MFAP5: variants seen among roughly 807,000 people sequenced by gnomAD.
MFAP5 encodes the protein microfibrillar-associated protein 5.
MFAP5 carries 19 observed loss-of-function variants against 30.1 expected under a neutral mutation model. The observed-to-expected ratio is 0.63, with a 90% CI of 0.44 to 0.93. MFAP5 has a LOEUF of 0.93. MFAP5 is among the 40% of genes least tolerant of loss of function. MFAP5 has a pLI of 0.00. For missense variants in MFAP5, 210 were observed against 221.3 expected, an observed-to-expected ratio of 0.95 and a Z score of 0.32; for synonymous variants, 92 against 72.9, an observed-to-expected ratio of 1.26 and a Z score of -1.33.
intron 3 of MFAP5, among the ~76,000 whole-genome samples, chr12:8,657,569 T>C (rs1193882522): frequency 8.0e-6 from 1 of 124,752 alleles, no homozygotes; most frequent in Non-Finnish European, 1.8e-5. Flanking sequence ...GCTTTGACTT[T>C]TTTTTTTTTT....
At position 8,661,995 on chromosome 12, in the gene MFAP5, C is replaced by T. The variant is rs867189114; in HGVS notation, c.58+52G>A. On this transcript the variant is annotated intron_variant, in intron 2 of 9. Transcript: ENST00000359478. ...ATTCCATCCCATCTCCTGCCACACA[C>T]GTGTATAGCTGAGGAGCTGAGGGTT... 35 of 1,534,606 alleles carry T rather than the reference C, an allele frequency of 2.3e-5. No homozygotes were observed. In the Middle Eastern group the frequency reaches 2.9e-3, roughly 127 times the overall value.
At chr12:8,653,445 C>T (rs182453702) in intron 6 of MFAP5, among the ~76,000 whole-genome samples, 280 of 152,194 alleles carry the variant, frequency 1.8e-3, no homozygotes, top group Non-Finnish European at 1.1e-3. Context: ...TTCCAATGCA[C>T]AAATCTAATT....
At chr12:8,661,994 A>G (rs1942164137) in intron 2 of MFAP5, 53 bp downstream of exon 2, 1 of 1,530,472 alleles carries the variant, frequency 6.5e-7, no homozygotes, top group Non-Finnish European at 9.0e-7. Context: ...CCTGCCACAC[A>G]CGTGTATAGC....
intron 3 of MFAP5, among the ~76,000 whole-genome samples, chr12:8,656,796 TA>T: frequency 6.6e-6 from 1 of 151,150 alleles, no homozygotes; most frequent in Admixed American, 6.6e-5. Flanking sequence ...GCCTCCAGAG[TA>T]GCTGGGATTA....
chr12:8,650,572 A>G lies in MFAP5; in HGVS notation c.265T>C (p.Phe89Leu). 1 of 1,614,050 alleles carries G rather than the reference A, an allele frequency of 6.2e-7. No individual in the cohort carries two copies. Among genetic ancestry groups the G allele is most frequent in the Non-Finnish European group, 8.5e-7 (1 of 1,180,010 alleles). Residue 89 changes from phenylalanine to leucine, a missense_variant, in exon 8 of 10, where the codon TTT (phenylalanine) becomes CTT (leucine). By Grantham distance (22) the Phe-to-Leu change is conservative (BLOSUM62 0). Coordinates refer to ENST00000359478, the MANE Select transcript of MFAP5 (RefSeq NM_003480.4). ...NTTAECWDEK[F>L]TCTRLYSVHR... Reference sequence around the variant, plus strand: ...ACAGAGTAGAGCCTTGTGCAGGTAAATTTCTCATCCCAGCACTCTGAGGAA... The same window carrying G: ...ACAGAGTAGAGCCTTGTGCAGGTAAGTTTCTCATCCCAGCACTCTGAGGAA...
At chr12:8,655,589 G>A (rs759387558) in intron 4 of MFAP5, 142 bp from the exon 5 acceptor site, 1 of 1,017,344 alleles carries the variant, frequency 9.8e-7, no homozygotes, top group Non-Finnish European at 1.4e-6. Flanking sequence ...AGGGACTATC[G>A]CAGAAAGAAA....
chr12:8,661,239 A>T (rs138074726), intron 2 of MFAP5, among the ~76,000 whole-genome samples: 20 of 152,256 alleles, frequency 1.3e-4, no homozygotes, highest in Non-Finnish European at 2.5e-4. Flanking sequence ...CAGCCCTTCT[A>T]GCCCCACGGC....
At chr12:8,654,246 A>G in intron 6 of MFAP5, 191 bp downstream of exon 6, 1 of 540,226 alleles carries the variant, frequency 1.9e-6, no homozygotes, top group Non-Finnish European at 3.3e-6. Context: ...TGAGAGAAAG[A>G]TTAGCACAGT....
chr12:8,660,807 A>G (rs1942126126), intron 3 of MFAP5, 56 bp downstream of exon 3: 1 of 1,469,122 alleles, frequency 6.8e-7, no homozygotes, highest in Non-Finnish European at 9.3e-7. Flanking sequence ...AACTCTGTTC[A>G]TCTAAATTTT....
intron 9 of MFAP5, chr12:8,648,692 G>C (rs1346115599): frequency 5.6e-6 from 2 of 354,596 alleles, no homozygotes; most frequent in Non-Finnish European, 1.0e-5. Context: ...CAATCTCAAG[G>C]TGCTTCCCTT....
At chr12:8,655,758 C>CAAAA (rs752720635) in intron 4 of MFAP5, 28 bp downstream of exon 4, 1 of 1,602,200 alleles carries the variant, frequency 6.2e-7, no homozygotes, top group South Asian at 1.1e-5. Context: ...AAACAGCAAA[C>CAAAA]AAACAAACAA....
In MFAP5 at chr12:8,646,329, A is replaced by G. The variant is rs1043718598; in HGVS notation, c.*1762T>C. 6.6e-6 allele frequency: 1 copy of G among 152,198 alleles called. No individual in the cohort carries two copies. Among genetic ancestry groups the G allele is most frequent in the Non-Finnish European group, 1.5e-5 (1 of 68,034 alleles). The allele number at this position is 152,198 out of a possible 1,614,324, so 9.4% of individuals were successfully genotyped here. A position where few individuals can be genotyped will look rare whatever the true frequency, so the allele number is the denominator to read the frequency against. On this transcript the variant is annotated 3_prime_UTR_variant, in exon 10 of 10. Transcript: ENST00000359478. ...TCATTTAACTAGTTTTCTCAGCAAT[A>G]TAAAAGGAATACAACCTCCACTGTC...
intron 2 of MFAP5, among the ~76,000 whole-genome samples, chr12:8,661,279 C>G (rs1942143390): frequency 2.0e-5 from 3 of 151,990 alleles, no homozygotes; most frequent in Admixed American, 2.0e-4. Flanking sequence ...GTGAACAAGA[C>G]AGAAGAATTA....
In MFAP5 at chr12:8,654,632, A is replaced by C. The variant is rs779975624; in HGVS notation, c.173-151T>G. 4 of 653,684 alleles carry C rather than the reference A, an allele frequency of 6.1e-6. No homozygotes were observed. The South Asian group carries it at 1.2e-4, about 19-fold the overall frequency. The allele number at this position is 653,684 out of a possible 1,614,324, so 40.5% of individuals were successfully genotyped here. A position where few individuals can be genotyped will look rare whatever the true frequency, so the allele number is the denominator to read the frequency against. ...ATAAGGGAATAGAATTAATTAAATA[A>C]TTATAAATTTTTTTAAAGAATATTA... On this transcript the variant is annotated intron_variant, in intron 5 of 9. Coordinates refer to ENST00000359478, the MANE Select transcript of MFAP5 (RefSeq NM_003480.4).
intron 6 of MFAP5, 188 bp from the exon 7 acceptor site, chr12:8,651,879 T>G: frequency 1.7e-6 from 1 of 576,080 alleles, no homozygotes; most frequent in Admixed American, 3.1e-5. Flanking sequence ...TTGAAGACAT[T>G]AGGAGGCAGG....
intron 8 of MFAP5, 35 bp from the exon 9 acceptor site, chr12:8,649,609 G>A (rs1427027975): frequency 1.9e-6 from 3 of 1,591,918 alleles, no homozygotes; most frequent in East Asian, 4.5e-5. Flanking sequence ...CAAGGAAGGA[G>A]ATGGAAGAAA....
chr12:8,656,573 A>AATATATATATATATATATAT lies in MFAP5; in HGVS notation c.95-744_95-743insATATATATATATATATATAT, dbSNP rs71957081. Among the ~76,000 whole-genome samples, 61 of 128,472 alleles carry AATATATATATATATATATAT rather than the reference A, an allele frequency of 4.7e-4. 1 individual carries two copies. Among genetic ancestry groups the AATATATATATATATATATAT allele is most frequent in the African/African-American group, 1.9e-3 (57 of 30,202 alleles). The allele number at this position is 128,472 out of a possible 152,430, so 84.3% of individuals were successfully genotyped here. On this transcript the variant is annotated intron_variant, in intron 3 of 9. Transcript: ENST00000359478. ...CAGGCGCATACCACCATGCCTGGCT[A>AATATATATATATATATATAT]ATATATATATATATATATACACACA...
Position 8,655,443 on chromosome 12 carries a change from C to A in MFAP5, c.144G>T (p.Leu48=). The A allele has an allele frequency of 6.2e-7, 1 of 1,606,340 alleles. No individual in the cohort carries two copies. Among genetic ancestry groups the A allele is most frequent in the Non-Finnish European group, 8.5e-7 (1 of 1,177,072 alleles). The part of the protein sequence containing the change: ...TPETFTEDPN[L]VNDPATDETV... Reference sequence around the variant, plus strand: ...TTTCATCTGTAGCGGGATCATTCACCAGATCTGCAAAGACACATAACAAGG... The same window carrying A: ...TTTCATCTGTAGCGGGATCATTCACAAGATCTGCAAAGACACATAACAAGG... Residue 48 remains leucine, a synonymous_variant, in exon 5 of 10, where the codon CTG becomes CTT. Transcript: ENST00000359478.
At chr12:8,654,374 A>C in intron 6 of MFAP5, 63 bp downstream of exon 6, 2 of 1,486,404 alleles carry the variant, frequency 1.3e-6, no homozygotes, top group Non-Finnish European at 1.8e-6. Context: ...CACTATCCAG[A>C]ATGGGCTCTG....
Sources: gnomAD v4.1 joint callset for allele counts (sites outside exome capture counted in the v4.1 genomes callset) on GRCh38, gnomAD v4.1.1 for gene constraint, MANE v1.5 for transcripts, NCBI Gene and HGNC (gene_info 2026-07-23, HGNC 2026-07-21) for gene names.